MARCHF10: variants seen among roughly 807,000 people sequenced by gnomAD.
MARCHF10 encodes the protein probable E3 ubiquitin-protein ligase MARCHF10.
MARCHF10 carries 64 observed loss-of-function variants against 76.2 expected under a neutral mutation model. That is an observed-to-expected ratio of 0.84 (90% CI 0.69 to 1.03). The LOEUF is 1.03. MARCHF10 is among the 50% of genes least tolerant of loss of function. The pLI is 0.00. For synonymous variants in MARCHF10, 340 were observed against 357.5 expected (o/e 0.95, Z 0.55); for missense variants, 875 against 958.0 (o/e 0.91, Z 1.14).
At chr17:62,802,183 T>C (rs9907967) in intron 1 of MARCHF10, among the ~76,000 whole-genome samples, 266 of 152,264 alleles carry the variant, frequency 1.7e-3, no homozygotes, top group African/African-American at 5.7e-3. Context: ...CACTGGAGTA[T>C]AGCAAGCAGC....
intron 9 of MARCHF10, among the ~76,000 whole-genome samples, chr17:62,706,901 G>A (rs2089628179): frequency 1.3e-5 from 2 of 152,338 alleles, no homozygotes; most frequent in South Asian, 4.2e-4. Flanking sequence ...AGGGAAGGCA[G>A]GGCCATTTAG....
At chr17:62,720,565 A>C (rs1252733370) in intron 8 of MARCHF10, among the ~76,000 whole-genome samples, 1 of 152,170 alleles carries the variant, frequency 6.6e-6, no homozygotes, top group Non-Finnish European at 1.5e-5. Flanking sequence ...GCAAACTGTT[A>C]GTAAGAACAG....
At position 62,735,984 on chromosome 17, in the gene MARCHF10, C is replaced by T. The variant is rs201223678; in HGVS notation, c.1884G>A (p.Lys628=). The T allele has an allele frequency of 1.2e-6, 2 of 1,613,744 alleles. No homozygotes were observed. Among genetic ancestry groups the T allele is most frequent in the Non-Finnish European group, 1.7e-6 (2 of 1,179,964 alleles). Residue 628 remains lysine, a synonymous_variant, in exon 6 of 11, where the codon AAG becomes AAA. Transcript: ENST00000311269. ...RMAASGFTDE[K]ETSKIKADPE... ...GGTCTGCCTTTATCTTACTGGTTTC[C>T]TTTTCATCTGTGAAACCAGAGGCTG...
At chr17:62,775,551 A>C (rs1186126920) in intron 3 of MARCHF10, among the ~76,000 whole-genome samples, 1 of 151,928 alleles carries the variant, frequency 6.6e-6, no homozygotes, top group Admixed American at 6.6e-5. Context: ...ATGGTACCCA[A>C]CACGGTGTCT....
At chr17:62,765,054 T>C (rs1292366861) in intron 3 of MARCHF10, among the ~76,000 whole-genome samples, 1 of 152,052 alleles carries the variant, frequency 6.6e-6, no homozygotes, top group East Asian at 1.9e-4. Flanking sequence ...TGCCTGAACA[T>C]GCTTTTTGGA....
intron 6 of MARCHF10, among the ~76,000 whole-genome samples, chr17:62,731,057 A>AAATTCCAGGCTGGAGTCCAG (rs2091004355): frequency 6.6e-6 from 1 of 152,222 alleles, no homozygotes; most frequent in African/African-American, 2.4e-5. Flanking sequence ...GAATATAACA[A>AAATTCCAGGCTGGAGTCCAG]TACTAGACAA....
At chr17:62,709,329 A>G (rs1284104897) in intron 9 of MARCHF10, among the ~76,000 whole-genome samples, 2 of 151,944 alleles carry the variant, frequency 1.3e-5, no homozygotes, top group Non-Finnish European at 2.9e-5. Flanking sequence ...AAAATACACA[A>G]ATTAGCCGGG....
At chr17:62,775,713 A>G (rs1003909064) in intron 3 of MARCHF10, among the ~76,000 whole-genome samples, 6 of 152,210 alleles carry the variant, frequency 3.9e-5, no homozygotes, top group Non-Finnish European at 7.3e-5. Flanking sequence ...ATGAAATGCT[A>G]TATGTTATAA....
intron 3 of MARCHF10, among the ~76,000 whole-genome samples, chr17:62,766,291 G>A (rs946351665): frequency 2.6e-5 from 4 of 152,042 alleles, no homozygotes; most frequent in Admixed American, 6.6e-5. Context: ...ACCTGAGGTT[G>A]GGAGTTCAAG....
intron 4 of MARCHF10, among the ~76,000 whole-genome samples, chr17:62,748,437 A>C (rs533304486): frequency 8.2e-6 from 1 of 121,656 alleles, no homozygotes; most frequent in East Asian, 2.7e-4. Flanking sequence ...AACAAACAAA[A>C]AAGAGATTCT....
intron 3 of MARCHF10, among the ~76,000 whole-genome samples, chr17:62,772,180 G>A (rs376404826): frequency 1.3e-5 from 2 of 152,156 alleles, no homozygotes; most frequent in South Asian, 2.1e-4. Context: ...GGAGGGACCC[G>A]GTGGGAGGTA....
chr17:62,792,374 G>A (rs138172493), intron 2 of MARCHF10, among the ~76,000 whole-genome samples: 1 of 152,146 alleles, frequency 6.6e-6, no homozygotes, highest in Non-Finnish European at 1.5e-5. Flanking sequence ...ATCTGTAAGA[G>A]GAAGTTGCAG....
chr17:62,751,008 G>A (rs1254773948), intron 4 of MARCHF10, among the ~76,000 whole-genome samples: 1 of 152,196 alleles, frequency 6.6e-6, no homozygotes, highest in Non-Finnish European at 1.5e-5. Context: ...CGGAGGGGAA[G>A]CTTGGGAAAA....
Position 62,737,102 on chromosome 17 carries a change from G to A in MARCHF10, c.766C>T (p.Leu256Phe). 6.2e-7 allele frequency: 1 copy of A among 1,614,142 alleles called. No individual in the cohort carries two copies. The highest frequency in any genetic ancestry group is 8.5e-7 in the Non-Finnish European group (1 of 1,180,038). The change falls in exon 6 of 11, where the codon CTC becomes TTC. Residue 256 changes from leucine (L) to phenylalanine (F), a missense_variant. Leu to Phe is a conservative substitution (Grantham distance 22, BLOSUM62 0). Coordinates refer to ENST00000311269, the MANE Select transcript of MARCHF10 (RefSeq NM_152598.4). ...GGCCCTCCTACAGTGGTGGGTGTGA[G>A]TGGTGGCCCCGAGAACTCACTCAAT... ...QVLSEFSGPP[L>F]TPTTVGGPRK...
rs1164613126 is a variant in MARCHF10, at chr17:62,793,157, TCAC to T, written c.91-4561_91-4559del. Among the ~76,000 whole-genome samples the T allele has an allele frequency of 3.4e-3, 198 of 58,688 alleles. 2 individuals carry two copies. The highest frequency in any genetic ancestry group is 5.1e-3 in the African/African-American group (68 of 13,232). The allele number at this position is 58,688 out of a possible 152,430, so 38.5% of individuals were successfully genotyped here. ...ACCATCACCACCATCACCACCACCA[TCAC>T]CACCACCACCTCCATCACTACCACC... On this transcript the variant is annotated intron_variant, in intron 2 of 10. Transcript: ENST00000311269.
intron 9 of MARCHF10, among the ~76,000 whole-genome samples, chr17:62,710,532 C>G (rs1433164660): frequency 7.3e-6 from 1 of 137,316 alleles, no homozygotes; most frequent in Non-Finnish European, 1.5e-5. Flanking sequence ...TTTCTTATGA[C>G]TAACAGTTTG....
intron 7 of MARCHF10, among the ~76,000 whole-genome samples, chr17:62,724,680 T>C (rs1332716335): frequency 6.6e-6 from 1 of 152,150 alleles, no homozygotes; most frequent in African/African-American, 2.4e-5. Flanking sequence ...CAATAGCATT[T>C]GTTCCCAGGA....
At chr17:62,778,682 CAAA>C (rs71357038) in intron 3 of MARCHF10, among the ~76,000 whole-genome samples, 25 of 100,794 alleles carry the variant, frequency 2.5e-4, no homozygotes, top group African/African-American at 4.7e-4. Flanking sequence ...GACTCTGTCT[CAAA>C]AAAAAAAAAA....
intron 2 of MARCHF10, among the ~76,000 whole-genome samples, chr17:62,792,713 CATCACCACCACCACCACCATCACCA>C: frequency 6.7e-6 from 1 of 148,726 alleles, no homozygotes; most frequent in African/African-American, 2.5e-5. Flanking sequence ...TCACTACAAC[CATCACCACCACCACCACCATCACCA>C]CCACCACCTC....
Sources: allele counts gnomAD v4.1 joint callset (sites outside exome capture counted in the v4.1 genomes callset), GRCh38; gene constraint gnomAD v4.1.1; transcripts MANE v1.5; gene names NCBI Gene and HGNC (gene_info 2026-07-23, HGNC 2026-07-21).